TRAM1: variants seen among roughly 807,000 people sequenced by gnomAD.
The protein encoded by TRAM1 is translocating chain-associated membrane protein 1.
A neutral mutation model predicts 48.7 loss-of-function variants in TRAM1; 17 were observed. The observed-to-expected ratio is 0.35, with a 90% CI of 0.24 to 0.52. TRAM1 has a LOEUF of 0.52. TRAM1 is among the 20% of genes least tolerant of loss of function. TRAM1 has a pLI of 0.94. For synonymous variants in TRAM1, 182 were observed against 154.0 expected, an observed-to-expected ratio of 1.18 and a Z score of -1.34; for missense variants, 351 against 441.5, an observed-to-expected ratio of 0.79 and a Z score of 1.84.
intron 1 of TRAM1, chr8:70,607,865 A>C: frequency 4.2e-6 from 2 of 480,062 alleles, no homozygotes; most frequent in Non-Finnish European, 6.7e-6. Context: ...GATGAGGCCC[A>C]CCGGGACTTT....
chr8:70,599,120 TGGTGGTG>T (rs1287118860), intron 2 of TRAM1, among the ~76,000 whole-genome samples: 2 of 152,074 alleles, frequency 1.3e-5, no homozygotes, highest in Non-Finnish European at 2.9e-5. Context: ...TAGCTGGGCG[TGGTGGTG>T]TGCCCTTGTA....
chr8:70,593,476 C>T (rs1226872081), intron 6 of TRAM1, among the ~76,000 whole-genome samples: 1 of 151,090 alleles, frequency 6.6e-6, no homozygotes, highest in Non-Finnish European at 1.5e-5. Context: ...TTCTGACATA[C>T]CCGTAACTCA....
In TRAM1 at chr8:70,586,906, C is replaced by T. The variant is rs373885076; in HGVS notation, c.735G>A (p.Lys245=). 17 of 1,613,492 alleles carry T rather than the reference C, an allele frequency of 1.1e-5. No individual in the cohort carries two copies. The highest frequency in any genetic ancestry group is 1.2e-5 in the Non-Finnish European group (14 of 1,179,626). Residue 245 remains lysine (K), a synonymous_variant, in exon 8 of 11, where the codon AAG becomes AAA. Coordinates refer to ENST00000262213, the MANE Select transcript of TRAM1 (RefSeq NM_014294.6). ...GCTAAACAACTTACCCTTTCTGATA[C>T]TTTTCATTGCTAAAATAAAACAGGC... ...ISRLFYFSNE[K]YQKGFSLWAV...
Position 70,598,134 on chromosome 8 carries a change from A to G in TRAM1, c.309T>C (p.Asp103=), listed in dbSNP as rs1405540802. Residue 103 remains aspartate (D), a splice_region_variant and synonymous_variant, in exon 3 of 11, where the codon GAT becomes GAC. Transcript: ENST00000262213. ...IHAVIQEYML[D]KINRRMHFSK... ...TAGATTTCTAAGACTGCATACTTAC[A>G]TCCAACATATACTCTTGAATTACGG... The G allele has an allele frequency of 1.9e-6, 3 of 1,610,828 alleles. No homozygotes were observed. Among genetic ancestry groups the G allele is most frequent in the East Asian group, 2.2e-5 (1 of 44,692 alleles).
intron 10 of TRAM1, among the ~76,000 whole-genome samples, chr8:70,579,821 T>C (rs550111067): frequency 6.6e-6 from 1 of 152,264 alleles, no homozygotes; most frequent in African/African-American, 2.4e-5. Context: ...AATATTATGG[T>C]TTAGTCCTAG....
chr8:70,597,742 C>G, intron 4 of TRAM1, 153 bp downstream of exon 4: 1 of 321,142 alleles, frequency 3.1e-6, no homozygotes, highest in Non-Finnish European at 5.6e-6. Flanking sequence ...ATAAGCCTTT[C>G]TGAAACAGTA....
chr8:70,581,114 A>G (rs768264064), intron 10 of TRAM1, among the ~76,000 whole-genome samples: 4 of 152,214 alleles, frequency 2.6e-5, no homozygotes, highest in Non-Finnish European at 4.4e-5. Flanking sequence ...ATGGCTGGGC[A>G]AGGCAGCATA....
rs181539623 is a variant in TRAM1 at position 70,605,350 on chromosome 8, G to T, written c.123+2727C>A. On this transcript the variant is annotated intron_variant, in intron 1 of 10. Coordinates refer to ENST00000262213, the MANE Select transcript of TRAM1 (RefSeq NM_014294.6). The stretch of plus-strand genomic sequence containing the variant: ...CCCTAGGTCACCCAGTTAGCAAGCT[G>T]CAGAGCCCTAACTTGAACATGAATC... Among the ~76,000 whole-genome samples, 157 of 152,314 alleles carry T rather than the reference G, an allele frequency of 1.0e-3. 1 individual carries two copies. Among genetic ancestry groups the T allele is most frequent in the African/African-American group, 3.6e-3 (150 of 41,570 alleles).
intron 4 of TRAM1, 47 bp downstream of exon 4, chr8:70,597,848 A>G (rs1817523768): frequency 7.2e-7 from 1 of 1,388,388 alleles, no homozygotes; most frequent in Non-Finnish European, 9.9e-7. Flanking sequence ...CAGAGTTTCT[A>G]ATCTTAGATA....
At chr8:70,583,472 G>A in intron 9 of TRAM1, 148 bp from the exon 10 acceptor site, 1 of 1,303,566 alleles carries the variant, frequency 7.7e-7, no homozygotes. Context: ...TATCCTAAAA[G>A]TTAAATGCTT....
At chr8:70,577,187 G>C (rs1184329226) in intron 10 of TRAM1, among the ~76,000 whole-genome samples, 2 of 152,200 alleles carry the variant, frequency 1.3e-5, no homozygotes, top group Non-Finnish European at 2.9e-5. Context: ...GGAGGCCGAG[G>C]GGGGCTGAGG....
chr8:70,593,587 T>C (rs1456940604), intron 6 of TRAM1, among the ~76,000 whole-genome samples: 2 of 134,500 alleles, frequency 1.5e-5, no homozygotes, highest in East Asian at 2.0e-4. Flanking sequence ...GGATTTCATA[T>C]ATGAGAATTA....
intron 4 of TRAM1, 36 bp from the exon 5 acceptor site, chr8:70,596,357 T>C: frequency 6.8e-7 from 1 of 1,479,710 alleles, no homozygotes; most frequent in Non-Finnish European, 9.2e-7. Context: ...CCTGTGAGCA[T>C]AATGCAAACT....
rs1371318470 is a variant in TRAM1 at position 70,586,914 on chromosome 8, T to C, written c.727A>G (p.Asn243Asp). The change falls in exon 8 of 11, where the codon AAT (asparagine) becomes GAT (aspartate). Residue 243 changes from asparagine (N) to aspartate (D), a missense_variant. Asn to Asp is a conservative substitution (Grantham distance 23). Transcript: ENST00000262213. ...FHISRLFYFS[N>D]EKYQKGFSLW... ...ACTTACCCTTTCTGATACTTTTCATTGCTAAAATAAAACAGGCGGGAAATG... is the reference window on the plus strand; with the variant it reads ...ACTTACCCTTTCTGATACTTTTCATCGCTAAAATAAAACAGGCGGGAAATG... The C allele has an allele frequency of 1.9e-6, 3 of 1,613,728 alleles. No homozygotes were observed. Among genetic ancestry groups the C allele is most frequent in the Middle Eastern group, 1.7e-4 (1 of 6,058 alleles).
Position 70,583,516 on chromosome 8 carries a change from G to T in TRAM1, c.890+134C>A, listed in dbSNP as rs879705635. The T allele has an allele frequency of 2.0e-5, 27 of 1,333,786 alleles. No homozygotes were observed. The South Asian group carries it at 3.8e-4, about 19-fold the overall frequency. 82.6% of individuals were successfully genotyped at this position (1,333,786 alleles called of 1,614,324 possible). A position where few individuals can be genotyped will look rare whatever the true frequency, so the allele number is the denominator to read the frequency against. ...CACTTTAGACATGTAAAATAGCAAC[G>T]GGTATGAAATAAAATCAAATGAGTA... On this transcript the variant is annotated intron_variant, in intron 9 of 10. Transcript: ENST00000262213.
chr8:70,590,100 T>C (rs967926637), intron 6 of TRAM1, among the ~76,000 whole-genome samples: 10 of 150,872 alleles, frequency 6.6e-5, no homozygotes, highest in Admixed American at 2.0e-4. Flanking sequence ...TAACTGCTGA[T>C]TGAACTCATT....
intron 1 of TRAM1, among the ~76,000 whole-genome samples, chr8:70,603,302 A>G (rs1817645227): frequency 2.0e-5 from 1 of 49,336 alleles, no homozygotes; most frequent in Non-Finnish European, 4.4e-5. Context: ...TATATGTTTT[A>G]TACACACACA....
chr8:70,577,829 T>C (rs552335687), intron 10 of TRAM1, among the ~76,000 whole-genome samples: 2 of 152,324 alleles, frequency 1.3e-5, no homozygotes, highest in African/African-American at 2.4e-5. Flanking sequence ...GCTCTGGAGA[T>C]GCCACCACAC....
chr8:70,602,291 G>A (rs1817621176), intron 1 of TRAM1, among the ~76,000 whole-genome samples: 2 of 152,180 alleles, frequency 1.3e-5, no homozygotes, highest in African/African-American at 4.8e-5. Flanking sequence ...GAGGCACAAG[G>A]TGGTATCCAG....
Sources: allele counts gnomAD v4.1 joint callset (sites outside exome capture counted in the v4.1 genomes callset), GRCh38; gene constraint gnomAD v4.1.1; transcripts MANE v1.5; gene names NCBI Gene and HGNC (gene_info 2026-07-23, HGNC 2026-07-21).